The following IL1RAPL2 variants were observed in gnomAD, a reference collection of about 807,000 sequenced individuals.
IL1RAPL2 encodes the protein X-linked interleukin-1 receptor accessory protein-like 2.
Under a neutral mutation model 44.1 loss-of-function variants are expected in IL1RAPL2, and 3 were observed. The ratio of observed to expected loss-of-function variants is 0.07; its 90% CI spans 0.03 to 0.18. The LOEUF is 0.18. Among genes scored for constraint, IL1RAPL2 ranks in the 10% least tolerant of loss-of-function variants. IL1RAPL2 has a pLI of 1.00. For synonymous variants in IL1RAPL2, 181 were observed against 178.8 expected (o/e 1.01, Z -0.10); for missense variants, 391 against 496.4 (o/e 0.79, Z 2.02).
intron 2 of IL1RAPL2, among the ~76,000 whole-genome samples, chrX:104,670,841 T>C: frequency 9.0e-6 from 1 of 111,545 alleles, no homozygotes; most frequent in Non-Finnish European, 1.9e-5. Context: ...CAAATGGTGT[T>C]TTTACTTGTT....
At chrX:104,849,830 T>C (rs1028589585) in intron 2 of IL1RAPL2, among the ~76,000 whole-genome samples, 1 of 111,456 alleles carries the variant, frequency 9.0e-6, no homozygotes, top group African/African-American at 3.3e-5. Context: ...TTGGGTTAAT[T>C]ACTATATTTT....
chrX:104,593,495 G>A (rs374495567), intron 1 of IL1RAPL2, among the ~76,000 whole-genome samples: 1 of 111,887 alleles, frequency 8.9e-6, no homozygotes, highest in African/African-American at 3.2e-5. Flanking sequence ...GTAAAACTGA[G>A]TAACTAAAAC....
At chrX:105,707,270 A>G (rs1372457273) in intron 6 of IL1RAPL2, among the ~76,000 whole-genome samples, 1 of 111,719 alleles carries the variant, frequency 9.0e-6, no homozygotes, top group East Asian at 2.8e-4. Flanking sequence ...GAAAGGGAAA[A>G]CTTGAACTTC....
intron 2 of IL1RAPL2, among the ~76,000 whole-genome samples, chrX:104,781,690 G>C (rs1389547632): frequency 2.7e-5 from 3 of 111,932 alleles, no homozygotes; most frequent in Non-Finnish European, 5.6e-5. Context: ...CTAAGAATGT[G>C]AAGCAGAAGA....
At chrX:104,883,036 C>T (rs934755992) in intron 2 of IL1RAPL2, among the ~76,000 whole-genome samples, 16 of 111,406 alleles carry the variant, frequency 1.4e-4, no homozygotes, top group African/African-American at 4.2e-4. Context: ...GAACAAACTC[C>T]GGACACACCA....
intron 2 of IL1RAPL2, among the ~76,000 whole-genome samples, chrX:105,052,603 CT>C: frequency 9.0e-6 from 1 of 110,908 alleles, no homozygotes; most frequent in Middle Eastern, 4.6e-3. Flanking sequence ...CTTAAACTAC[CT>C]TTTTTTTCTG....
intron 2 of IL1RAPL2, among the ~76,000 whole-genome samples, chrX:104,777,411 A>C (rs1052915467): frequency 2.2e-4 from 24 of 110,183 alleles, no homozygotes; most frequent in African/African-American, 7.9e-4. Flanking sequence ...ATTTCGTTGC[A>C]TTTATATACC....
intron 2 of IL1RAPL2, among the ~76,000 whole-genome samples, chrX:105,095,460 T>A (rs2032593415): frequency 8.9e-6 from 1 of 111,968 alleles, no homozygotes; most frequent in Non-Finnish European, 1.9e-5. Context: ...ATTACAAAGC[T>A]ACAGTAATTA....
chrX:105,431,857 G>A (rs1005573630), intron 5 of IL1RAPL2, among the ~76,000 whole-genome samples: 8 of 111,514 alleles, frequency 7.2e-5, no homozygotes, highest in Admixed American at 1.9e-4. Flanking sequence ...AAATTTCAGA[G>A]AGAGAAGAGA....
intron 6 of IL1RAPL2, 102 bp downstream of exon 6, chrX:105,484,489 T>G (rs2036252935): frequency 3.6e-6 from 2 of 556,809 alleles, no homozygotes; most frequent in East Asian, 3.4e-5. Flanking sequence ...TGTTATTACA[T>G]GCAAATCAAT....
intron 5 of IL1RAPL2, among the ~76,000 whole-genome samples, chrX:105,345,969 C>A (rs1399216979): frequency 3.6e-5 from 4 of 111,781 alleles, no homozygotes; most frequent in African/African-American, 1.3e-4. Context: ...TCCTTTATGG[C>A]AGGCTTGAGA....
At chrX:104,717,981 C>T in intron 2 of IL1RAPL2, among the ~76,000 whole-genome samples, 1 of 111,165 alleles carries the variant, frequency 9.0e-6, no homozygotes, top group East Asian at 2.8e-4. Context: ...ATATGTGCCA[C>T]ATTTTCTTAA....
intron 2 of IL1RAPL2, among the ~76,000 whole-genome samples, chrX:105,172,807 G>A (rs185879285): frequency 2.5e-4 from 28 of 110,897 alleles, no homozygotes; most frequent in Admixed American, 9.7e-5. Context: ...TGAGAATGGG[G>A]GCATTTGGGG....
chrX:104,585,322 A>ATATATAATAT (rs1928516646), intron 1 of IL1RAPL2, among the ~76,000 whole-genome samples: 1 of 21,015 alleles, frequency 4.8e-5, no homozygotes, highest in South Asian at 1.7e-3. Flanking sequence ...AATATATATT[A>ATATATAATAT]TATATAATAT....
At chrX:104,850,578 C>A (rs1922199211) in intron 2 of IL1RAPL2, among the ~76,000 whole-genome samples, 1 of 111,653 alleles carries the variant, frequency 9.0e-6, no homozygotes, top group Admixed American at 9.6e-5. Flanking sequence ...TTAACTATTT[C>A]ATTGCCCTTT....
At chrX:104,891,874 G>A (rs866535726) in intron 2 of IL1RAPL2, among the ~76,000 whole-genome samples, 6 of 111,446 alleles carry the variant, frequency 5.4e-5, no homozygotes, top group African/African-American at 2.0e-4. Flanking sequence ...TCTTGTGCCC[G>A]TTTTCAAAGG....
At chrX:104,850,233 A>G (rs1329278435) in intron 2 of IL1RAPL2, among the ~76,000 whole-genome samples, 1 of 110,534 alleles carries the variant, frequency 9.0e-6, no homozygotes, top group Non-Finnish European at 1.9e-5. Flanking sequence ...ACCTCTTTTT[A>G]TTTTTATTTG....
At chrX:104,924,888 C>T (rs772205770) in intron 2 of IL1RAPL2, among the ~76,000 whole-genome samples, 33 of 110,277 alleles carry the variant, frequency 3.0e-4, no homozygotes, top group South Asian at 7.6e-4. Flanking sequence ...TTAAATGATA[C>T]AAGGAATCAA....
intron 6 of IL1RAPL2, among the ~76,000 whole-genome samples, chrX:105,622,291 A>AATG (rs1298230678): frequency 9.3e-6 from 1 of 107,020 alleles, no homozygotes; most frequent in Non-Finnish European, 1.9e-5. Context: ...TAATAATAAT[A>AATG]ATAATAATAA....
Sources: gnomAD v4.1 joint callset for allele counts (sites outside exome capture counted in the v4.1 genomes callset) on GRCh38, gnomAD v4.1.1 for gene constraint, MANE v1.5 for transcripts, NCBI Gene and HGNC (gene_info 2026-07-23, HGNC 2026-07-21) for gene names.